The following LEPROT variants were observed in gnomAD, a reference collection of about 807,000 sequenced individuals.
The protein encoded by LEPROT is leptin receptor overlapping transcript.
In LEPROT, 3 loss-of-function variants were observed where a neutral mutation model predicts 15.4. That is an observed-to-expected ratio of 0.19 (90% confidence interval 0.09 to 0.50). The LOEUF (loss-of-function observed/expected upper bound fraction) is 0.50, where lower values mean the gene tolerates loss of function less well. LEPROT is among the 20% of genes least tolerant of loss of function. The pLI is 0.97. For missense variants in LEPROT, 137 were observed against 162.2 expected (o/e 0.84, Z 0.84); for synonymous variants, 59 against 57.5 (o/e 1.03, Z -0.12).
chr1:65,425,416 G>A (rs748870867), intron 2 of LEPROT, 38 bp downstream of exon 2: 4 of 1,551,106 alleles, frequency 2.6e-6, no homozygotes, highest in South Asian at 1.2e-5. Flanking sequence ...TCCTCTTTCT[G>A]TGTCTTTGTC....
Position 65,429,930 on chromosome 1 carries a change from G to A in LEPROT, c.161G>A (p.Arg54Lys), listed in dbSNP as rs1646453681. The A allele has an allele frequency of 1.3e-6, 2 of 1,556,574 alleles. No individual in the cohort carries two copies. Among genetic ancestry groups the A allele is most frequent in the African/African-American group, 2.7e-5 (2 of 73,978 alleles). Residue 54 changes from arginine to lysine, a missense_variant, in exon 3 of 4, where the codon AGA becomes AAA. Coordinates refer to ENST00000371065, the MANE Select transcript of LEPROT (RefSeq NM_017526.5). ...CCCATCCCCCATTTCATTGCCAAAA[G>A]AGTCACCTATGACTCAGATGCAACC... ...ISPIPHFIAK[R>K]VTYDSDATSS...
chr1:65,420,860 C>G, intron 1 of LEPROT, 120 bp downstream of exon 1: 1 of 1,277,532 alleles, frequency 7.8e-7, no homozygotes, highest in Non-Finnish European at 1.1e-6. Flanking sequence ...CTTCCCGCCT[C>G]TCCGGTTCGG....
intron 2 of LEPROT, 24 bp from the exon 3 acceptor site, chr1:65,429,838 A>AT: frequency 1.4e-6 from 2 of 1,395,574 alleles, no homozygotes; most frequent in Non-Finnish European, 1.9e-6. Flanking sequence ...TTCTTTTTGG[A>AT]TTTTGCCTGG....
chr1:65,433,079 C>G lies in LEPROT; in HGVS notation c.*1160C>G, dbSNP rs2100237688. On this transcript the variant is annotated 3_prime_UTR_variant, in exon 4 of 4. Transcript: ENST00000371065. ...CAGGGAGGCTGGGCTCGAGCCAGCC[C>G]CTGCGTTAGCAGGAGGGGGAGAACA... is the stretch of plus-strand genomic sequence containing the variant. 8 of 985,268 alleles carry G rather than the reference C, an allele frequency of 8.1e-6. No individual in the cohort carries two copies. The highest frequency in any genetic ancestry group is 8.4e-6 in the Non-Finnish European group (7 of 829,812). The allele number at this position is 985,268 out of a possible 1,614,324, so 61.0% of individuals were successfully genotyped here.
Position 65,435,854 on chromosome 1 carries a change from G to A in LEPROT, c.*3935G>A. 1 of 983,260 alleles carries A rather than the reference G, an allele frequency of 1.0e-6. No homozygotes were observed. The highest frequency in any genetic ancestry group is 1.2e-6 in the Non-Finnish European group (1 of 827,998). 60.9% of individuals were successfully genotyped at this position (983,260 alleles called of 1,614,324 possible). On this transcript the variant is annotated 3_prime_UTR_variant, in exon 4 of 4. Transcript: ENST00000371065. ...TCCTTTTTCCATTTTGTCTCATGAA[G>A]TACCTTATTGCAAAAATCCCACTGA...
chr1:65,424,221 A>G (rs1009202495), intron 1 of LEPROT, among the ~76,000 whole-genome samples: 11 of 152,208 alleles, frequency 7.2e-5, no homozygotes, highest in African/African-American at 2.7e-4. Flanking sequence ...GGGAATACAT[A>G]TTTTATTCAG....
rs1646496950 is a variant in LEPROT, at chr1:65,432,303, G to A, written c.*384G>A. ...TCTCATGACCCAGGAAGGCCGGGGT[G>A]GATCCCTCTTTGTGTTGTAGTCCAT... On this transcript the variant is annotated 3_prime_UTR_variant, in exon 4 of 4. Coordinates refer to ENST00000371065, the MANE Select transcript of LEPROT (RefSeq NM_017526.5). 4.0e-6 allele frequency: 4 copies of A among 992,802 alleles called. No homozygotes were observed. In the South Asian group the frequency reaches 1.3e-4, roughly 33 times the overall value. 61.5% of individuals were successfully genotyped at this position (992,802 alleles called of 1,614,324 possible). A position where few individuals can be genotyped will look rare whatever the true frequency, so the allele number is the denominator to read the frequency against.
Position 65,425,978 on chromosome 1 carries a change from C to T in LEPROT, c.92+600C>T, listed in dbSNP as rs182836497. 3.1e-3 allele frequency among the ~76,000 whole-genome samples: 474 copies of T among 152,218 alleles called. 2 individuals carry two copies. Among genetic ancestry groups the T allele is most frequent in the South Asian group, 5.4e-3 (26 of 4,822 alleles). The stretch of plus-strand genomic sequence containing the variant: ...AACTAGGGATTAAGACATAAGAAAA[C>T]AAAGGTCCTGCTCTCTCAGAGTTTG... On this transcript the variant is annotated intron_variant, in intron 2 of 3. Coordinates refer to ENST00000371065, the MANE Select transcript of LEPROT (RefSeq NM_017526.5).
chr1:65,427,483 C>G (rs182746298), intron 2 of LEPROT, among the ~76,000 whole-genome samples: 89 of 152,188 alleles, frequency 5.8e-4, no homozygotes, highest in South Asian at 1.9e-3. Context: ...TGGTTGAGCC[C>G]AGGGGTTGGA....
At chr1:65,422,825 C>T (rs1402188503) in intron 1 of LEPROT, among the ~76,000 whole-genome samples, 1 of 152,194 alleles carries the variant, frequency 6.6e-6, no homozygotes, top group Non-Finnish European at 1.5e-5. Context: ...TGGTGAGCCT[C>T]CGTGCCAGAA....
At chr1:65,421,519 G>A in intron 1 of LEPROT, 1 of 1,529,478 alleles carries the variant, frequency 6.5e-7, no homozygotes, top group African/African-American at 1.4e-5. Flanking sequence ...TTTTTATATT[G>A]GCTTTTATAT....
intron 2 of LEPROT, among the ~76,000 whole-genome samples, chr1:65,429,395 G>C (rs1321995219): frequency 1.3e-5 from 2 of 152,168 alleles, no homozygotes; most frequent in African/African-American, 4.8e-5. Flanking sequence ...ATGAATGGAA[G>C]AAGTAGATAA....
chr1:65,428,026 T>G (rs1411549759), intron 2 of LEPROT: 1 of 155,238 alleles, frequency 6.4e-6, no homozygotes, highest in Non-Finnish European at 1.4e-5. Context: ...CTCATTTGTT[T>G]ATGAATTATC....
rs1360303893 is a variant in LEPROT at position 65,432,544 on chromosome 1, G to A, written c.*625G>A. ...AGTGGCTAAACCACTTAACCTCTCT[G>A]GGTGTTACCTGCTCATTTGTTTAAA... On this transcript the variant is annotated 3_prime_UTR_variant, in exon 4 of 4. Transcript: ENST00000371065. The A allele has an allele frequency of 2.4e-6, 2 of 851,048 alleles. No individual in the cohort carries two copies. The highest frequency in any genetic ancestry group is 2.8e-6 in the Non-Finnish European group (2 of 709,458). The allele number at this position is 851,048 out of a possible 1,614,324, so 52.7% of individuals were successfully genotyped here.
chr1:65,430,443 TATA>T (rs1172288362), intron 3 of LEPROT: 1 of 156,024 alleles, frequency 6.4e-6, no homozygotes, highest in Non-Finnish European at 1.4e-5. Flanking sequence ...CTCAACTCAG[TATA>T]ATAGGTATAT....
At chr1:65,424,498 T>A (rs1646318135) in intron 1 of LEPROT, among the ~76,000 whole-genome samples, 1 of 152,124 alleles carries the variant, frequency 6.6e-6, no homozygotes, top group African/African-American at 2.4e-5. Context: ...AATTCATCCA[T>A]TGGATAGGGG....
rs1180225500 is a variant in LEPROT, at chr1:65,432,727, T to C, written c.*808T>C. The C allele has an allele frequency of 1.3e-6, 1 of 783,390 alleles. No individual in the cohort carries two copies. The highest frequency in any genetic ancestry group is 1.9e-5 in the African/African-American group (1 of 52,960). 48.5% of individuals were successfully genotyped at this position (783,390 alleles called of 1,614,324 possible). ...TCAGTTAGGAGGAATAAGTGTGATT[T>C]TTTTTTAAAGATCACTTGCACAGCA... is the stretch of plus-strand genomic sequence containing the variant. On this transcript the variant is annotated 3_prime_UTR_variant, in exon 4 of 4. Coordinates refer to ENST00000371065, the MANE Select transcript of LEPROT (RefSeq NM_017526.5).
In LEPROT at chr1:65,432,128, A is replaced by G. The variant is rs529698034; in HGVS notation, c.*209A>G. 1 of 1,245,910 alleles carries G rather than the reference A, an allele frequency of 8.0e-7. No individual in the cohort carries two copies. Among genetic ancestry groups the G allele is most frequent in the Non-Finnish European group, 1.0e-6 (1 of 992,924 alleles). 77.2% of individuals were successfully genotyped at this position (1,245,910 alleles called of 1,614,324 possible). On this transcript the variant is annotated 3_prime_UTR_variant, in exon 4 of 4. Transcript: ENST00000371065. ...GTCAAATTTAGATTATGTTACTCAA[A>G]TTATGTTACTTGTTTGGCTGTTCAT...
chr1:65,425,745 C>T (rs769012330), intron 2 of LEPROT, among the ~76,000 whole-genome samples: 13 of 152,210 alleles, frequency 8.5e-5, no homozygotes, highest in Admixed American at 3.3e-4. Flanking sequence ...CGCTGGAGCT[C>T]GGATAAAGTG....
Sources: gnomAD v4.1 joint callset for allele counts (sites outside exome capture counted in the v4.1 genomes callset) on GRCh38, gnomAD v4.1.1 for gene constraint, MANE v1.5 for transcripts, NCBI Gene and HGNC (gene_info 2026-07-23, HGNC 2026-07-21) for gene names.